RALYL: variants seen among roughly 807,000 people sequenced by gnomAD.
The protein encoded by RALYL is RALY RNA binding protein like.
RALYL carries 29 observed loss-of-function variants against 35.1 expected under a neutral mutation model. The observed-to-expected ratio is 0.83, with a 90% CI of 0.61 to 1.13. The LOEUF is 1.13. RALYL is among the 50% of genes most tolerant of loss of function. RALYL has a pLI of 0.00. For synonymous variants in RALYL, 120 were observed against 127.6 expected (o/e 0.94, Z 0.40); for missense variants, 359 against 360.4 (o/e 1.00, Z 0.03).
chr8:84,229,686 G>A (rs1041965162), intron 1 of RALYL, among the ~76,000 whole-genome samples: 2 of 152,172 alleles, frequency 1.3e-5, no homozygotes, highest in African/African-American at 2.4e-5. Flanking sequence ...GATATTTTGA[G>A]ATTAAGAAAG....
At chr8:84,323,170 A>C (rs1845192263) in intron 1 of RALYL, among the ~76,000 whole-genome samples, 1 of 152,114 alleles carries the variant, frequency 6.6e-6, no homozygotes, top group Admixed American at 6.6e-5. Context: ...CATAAATAGA[A>C]GTTGTTTTAA....
intron 1 of RALYL, among the ~76,000 whole-genome samples, chr8:84,200,145 G>T (rs1325007126): frequency 2.0e-5 from 3 of 152,134 alleles, no homozygotes; most frequent in Non-Finnish European, 4.4e-5. Context: ...TTCTGTAACA[G>T]TATTAGTGTA....
intron 2 of RALYL, among the ~76,000 whole-genome samples, chr8:84,572,507 G>T (rs1470453647): frequency 6.6e-6 from 1 of 151,634 alleles, no homozygotes; most frequent in East Asian, 1.9e-4. Flanking sequence ...AATTCCCTTA[G>T]TGTTTGCTTG....
chr8:84,710,580 T>C (rs531260407), intron 2 of RALYL, among the ~76,000 whole-genome samples: 1 of 149,068 alleles, frequency 6.7e-6, no homozygotes, highest in South Asian at 2.1e-4. Context: ...GGGATTACAG[T>C]TGTGAGCCAC....
chr8:84,205,834 G>T (rs926250125), intron 1 of RALYL, among the ~76,000 whole-genome samples: 1 of 152,188 alleles, frequency 6.6e-6, no homozygotes, highest in Non-Finnish European at 1.5e-5. Flanking sequence ...GGTTTAAACA[G>T]CAGAACCTTA....
intron 1 of RALYL, among the ~76,000 whole-genome samples, chr8:84,515,806 C>G (rs1203354571): frequency 6.6e-6 from 1 of 151,990 alleles, no homozygotes; most frequent in East Asian, 1.9e-4. Context: ...TATGACAGAT[C>G]CTTTTACAAA....
In RALYL at chr8:84,184,268, T is replaced by C. The variant is rs371332430; in HGVS notation, c.-180T>C. The C allele has an allele frequency of 6.6e-6, 1 of 152,404 alleles. No homozygotes were observed. Among genetic ancestry groups the C allele is most frequent in the African/African-American group, 2.4e-5 (1 of 41,394 alleles). 9.4% of individuals were successfully genotyped at this position (152,404 alleles called of 1,614,324 possible). A position where few individuals can be genotyped will look rare whatever the true frequency, so the allele number is the denominator to read the frequency against. On this transcript the variant is annotated 5_prime_UTR_variant, in exon 1 of 9. Coordinates refer to ENST00000521268, the MANE Select transcript of RALYL (RefSeq NM_173848.7). ...TATGATAGATATCCTGATATCTATA[T>C]CTATATTGTCCCTTATTTCTCCCCC...
At chr8:84,538,286 T>G (rs1027020860) in intron 2 of RALYL, among the ~76,000 whole-genome samples, 1 of 152,182 alleles carries the variant, frequency 6.6e-6, no homozygotes, top group African/African-American at 2.4e-5. Context: ...AAACTATCAT[T>G]GGAAACTTCT....
rs1820393835 is a variant in RALYL at position 84,618,428 on chromosome 8, T to A, written c.256+88851T>A. On this transcript the variant is annotated intron_variant, in intron 2 of 8. Transcript: ENST00000521268. ...GATGGTAGTTTGTATTTCTGTGGGA[T>A]TGGTGGTGATATCCCCTTTATCATT... Among the ~76,000 whole-genome samples the A allele has an allele frequency of 6.0e-5, 9 of 151,248 alleles. No homozygotes were observed. The South Asian group carries it at 1.5e-3, about 25-fold the overall frequency.
intron 8 of RALYL, among the ~76,000 whole-genome samples, chr8:84,898,623 C>A (rs557837320): frequency 2.6e-5 from 4 of 152,298 alleles, no homozygotes; most frequent in African/African-American, 9.6e-5. Flanking sequence ...ACACTGCACA[C>A]CCTCACTCAG....
At chr8:84,353,291 G>A (rs1293787564) in intron 1 of RALYL, among the ~76,000 whole-genome samples, 1 of 150,038 alleles carries the variant, frequency 6.7e-6, no homozygotes, top group Admixed American at 6.6e-5. Context: ...CCACTCCAGT[G>A]AGTCATTCAC....
intron 1 of RALYL, among the ~76,000 whole-genome samples, chr8:84,256,249 A>T (rs1007686911): frequency 1.3e-5 from 2 of 152,164 alleles, no homozygotes; most frequent in Admixed American, 6.5e-5. Flanking sequence ...AGAGTTATGT[A>T]TATGCAAAAA....
rs370262365 is a variant in RALYL, at chr8:84,862,347, G to T, written c.465G>T (p.Pro155=). Residue 155 remains proline (P), a synonymous_variant, in exon 6 of 9, where the codon CCG becomes CCT. Coordinates refer to ENST00000521268, the MANE Select transcript of RALYL (RefSeq NM_173848.7). ...RVPPPPRAVI[P]LKRPRVAVTT... ...CTCCACCTCCCCGTGCAGTAATTCC[G>T]CTGAAGCGTCCCAGAGTGGCAGTCA... The T allele has an allele frequency of 4.4e-6, 7 of 1,604,366 alleles. No homozygotes were observed. The South Asian group carries it at 5.6e-5, about 13-fold the overall frequency.
chr8:84,445,499 T>C (rs28521362), intron 1 of RALYL, among the ~76,000 whole-genome samples: 1 of 151,910 alleles, frequency 6.6e-6, no homozygotes, highest in Admixed American at 6.6e-5. Context: ...GTATTAAAAC[T>C]GTAGTACGTG....
intron 1 of RALYL, among the ~76,000 whole-genome samples, chr8:84,301,918 A>C (rs976627763): frequency 2.6e-5 from 4 of 152,108 alleles, no homozygotes; most frequent in African/African-American, 9.7e-5. Flanking sequence ...AGCAATTTGG[A>C]AAATGTGTCT....
At chr8:84,575,155 G>A (rs1809024216) in intron 2 of RALYL, among the ~76,000 whole-genome samples, 1 of 152,042 alleles carries the variant, frequency 6.6e-6, no homozygotes, top group Admixed American at 6.6e-5. Context: ...ATTTATTTCA[G>A]TGCTACTGAA....
chr8:84,604,390 A>G (rs1428868083), intron 2 of RALYL, among the ~76,000 whole-genome samples: 3 of 152,108 alleles, frequency 2.0e-5, no homozygotes, highest in African/African-American at 4.8e-5. Flanking sequence ...GCACATGTCA[A>G]CACATGCAAT....
chr8:84,850,944 G>T (rs910976121), intron 5 of RALYL, among the ~76,000 whole-genome samples: 2 of 152,142 alleles, frequency 1.3e-5, no homozygotes, highest in Non-Finnish European at 2.9e-5. Context: ...CGATAAGTTT[G>T]CCTTTACTAA....
chr8:84,843,869 AG>A (rs1244253114), intron 4 of RALYL, among the ~76,000 whole-genome samples: 1 of 152,262 alleles, frequency 6.6e-6, no homozygotes, highest in Non-Finnish European at 1.5e-5. Context: ...CAATGGGGAA[AG>A]GATTCCCTAT....
Sources: allele counts gnomAD v4.1 joint callset (sites outside exome capture counted in the v4.1 genomes callset), GRCh38; gene constraint gnomAD v4.1.1; transcripts MANE v1.5; gene names NCBI Gene and HGNC (gene_info 2026-07-23, HGNC 2026-07-21).